EMC10: variants seen among roughly 807,000 people sequenced by gnomAD.
EMC10 encodes the protein ER membrane protein complex subunit 10.
A neutral mutation model predicts 32.2 loss-of-function variants in EMC10; 40 were observed. The ratio of observed to expected loss-of-function variants is 1.24; its 90% CI spans 0.96 to 1.61. The LOEUF is 1.61. EMC10 is among the 40% of genes most tolerant of loss of function. The probability of loss-of-function intolerance (pLI) is 0.00; values close to 1 mark genes in which losing one functional copy is unlikely to be tolerated. For missense variants in EMC10, 402 were observed against 357.7 expected (o/e 1.12, Z -1.00); for synonymous variants, 178 against 158.4 (o/e 1.12, Z -0.93).
At position 50,476,553 on chromosome 19, in the gene EMC10, A is replaced by T; in HGVS notation, c.9A>T (p.Ala3=). The change falls in exon 1 of 7, where the codon GCA becomes GCT. Residue 3 remains alanine, a synonymous_variant. Coordinates refer to ENST00000334976, the MANE Select transcript of EMC10 (RefSeq NM_206538.4). ...GGTGGGAAGAAGCCGAGATGGCGGCAGCCAGCGCTGGGGCAACCCGGCTGC... is the reference window on the plus strand; with the variant it reads ...GGTGGGAAGAAGCCGAGATGGCGGCTGCCAGCGCTGGGGCAACCCGGCTGC... MA[A]ASAGATRLLL... The T allele has an allele frequency of 6.4e-7, 1 of 1,573,904 alleles. No individual in the cohort carries two copies. The highest frequency in any genetic ancestry group is 8.6e-7 in the Non-Finnish European group (1 of 1,165,426).
intron 2 of EMC10, 60 bp from the exon 3 acceptor site, chr19:50,478,897 C>T: frequency 1.4e-6 from 2 of 1,383,152 alleles, no homozygotes; most frequent in Non-Finnish European, 2.0e-6. Context: ...CCTCCTGGCC[C>T]CTGCCTGGGT....
chr19:50,481,176 C>A (rs111505077), intron 6 of EMC10, 199 bp downstream of exon 6: 8,331 of 552,356 alleles, frequency 0.015, 297 homozygotes, highest in East Asian at 0.11. Context: ...GGAGGTCGGG[C>A]CAGCTCTAGG....
chr19:50,484,447 A>T lies in EMC10; in HGVS notation c.*2188A>T, dbSNP rs2040367662. On this transcript the variant is annotated 3_prime_UTR_variant, in exon 7 of 7. Transcript: ENST00000334976. ...TATTTTTCCTGGGTTAAACATTGGG[A>T]TCTTTATAAACCTGATTATGTCCTT... 6.6e-6 allele frequency: 1 copy of T among 151,834 alleles called. No homozygotes were observed. Among genetic ancestry groups the T allele is most frequent in the Non-Finnish European group, 1.5e-5 (1 of 67,982 alleles). 9.4% of individuals were successfully genotyped at this position (151,834 alleles called of 1,614,324 possible).
Position 50,477,835 on chromosome 19 carries a change from C to G in EMC10, c.115-94C>G, listed in dbSNP as rs2040252406. 4.3e-6 allele frequency: 4 copies of G among 927,092 alleles called. No individual in the cohort carries two copies. In the South Asian group the frequency reaches 6.7e-5, roughly 16 times the overall value. The allele number at this position is 927,092 out of a possible 1,614,324, so 57.4% of individuals were successfully genotyped here. ...TAACTTGAAGATAAGGCTCCTCCCT[C>G]AGCCCACCAGTCTGTCTGTCCTGGG... On this transcript the variant is annotated intron_variant, in intron 1 of 6. Transcript: ENST00000334976.
chr19:50,481,598 A>G, intron 6 of EMC10: 1 of 501,424 alleles, frequency 2.0e-6, no homozygotes, highest in South Asian at 2.9e-5. Flanking sequence ...GCCAGCGAAG[A>G]GGTCTGTGTG....
rs575556928 is a variant in EMC10, at chr19:50,486,930, C to G, written c.*4671C>G. ...ATCCCCTGTTCCTCCCCCAGGCATT[C>G]TGGTCACTGTTCCTTTTTGTTGAGA... On this transcript the variant is annotated 3_prime_UTR_variant, in exon 7 of 7. Transcript: ENST00000334976. 6.6e-6 allele frequency: 1 copy of G among 150,664 alleles called. No homozygotes were observed. The highest frequency in any genetic ancestry group is 2.1e-4 in the South Asian group (1 of 4,818). The allele number at this position is 150,664 out of a possible 1,614,324, so 9.3% of individuals were successfully genotyped here.
At position 50,480,158 on chromosome 19, in the gene EMC10, A is replaced by T; in HGVS notation, c.345A>T (p.Arg115=). The change falls in exon 4 of 7, where the codon CGA becomes CGT. Residue 115 remains arginine (R), a synonymous_variant. Transcript: ENST00000334976. The surrounding 1 kb of genome is among the most constrained non-coding windows in gnomAD (Gnocchi z 4.4). The part of the protein sequence containing the change: ...NGLYRVRIPR[R]PGALDGLEAG... ...TGTACCGGGTCCGGATCCCAAGGCG[A>T]CCCGGGGCCCTGGATGGCCTGGAAG... is the stretch of plus-strand genomic sequence containing the variant. 6.2e-7 allele frequency: 1 copy of T among 1,613,594 alleles called. No homozygotes were observed. Among genetic ancestry groups the T allele is most frequent in the Non-Finnish European group, 8.5e-7 (1 of 1,179,866 alleles).
chr19:50,483,123 C>T lies in EMC10; in HGVS notation c.*864C>T, dbSNP rs555433161. ...CTGTAAGTCTATTTAAAAACATCGACGATACATTGAAATGTGTGAACGTTT... is the reference window on the plus strand; with the variant it reads ...CTGTAAGTCTATTTAAAAACATCGATGATACATTGAAATGTGTGAACGTTT... On this transcript the variant is annotated 3_prime_UTR_variant, in exon 7 of 7. Transcript: ENST00000334976. The T allele has an allele frequency of 1.7e-5, 8 of 471,594 alleles. No individual in the cohort carries two copies. The highest frequency in any genetic ancestry group is 3.1e-5 in the South Asian group (2 of 64,694). 29.2% of individuals were successfully genotyped at this position (471,594 alleles called of 1,614,324 possible). A position where few individuals can be genotyped will look rare whatever the true frequency, so the allele number is the denominator to read the frequency against.
Position 50,490,178 on chromosome 19 carries a change from G to C in EMC10, c.*7919G>C, listed in dbSNP as rs1978563540. On this transcript the variant is annotated 3_prime_UTR_variant, in exon 7 of 7. Transcript: ENST00000334976. ...TGCCCAAGCTAGAGTGCAGTGGCGC[G>C]ATCTCGGCTCACTGCAAACTCCGCC... The C allele has an allele frequency of 6.6e-6, 1 of 151,620 alleles. No homozygotes were observed. The highest frequency in any genetic ancestry group is 2.4e-5 in the African/African-American group (1 of 41,182). The allele number at this position is 151,620 out of a possible 1,614,324, so 9.4% of individuals were successfully genotyped here.
In EMC10 at chr19:50,483,842, G is replaced by GTGA. The variant is rs2040359830; in HGVS notation, c.*1584_*1586dup. On this transcript the variant is annotated 3_prime_UTR_variant, in exon 7 of 7. Coordinates refer to ENST00000334976, the MANE Select transcript of EMC10 (RefSeq NM_206538.4). ...TTCCCAAAGTGCTGGGATTACAGGCGTGAGCCACCGCGCCTGGCCTATTTT... is the reference window on the plus strand; with the variant it reads ...TTCCCAAAGTGCTGGGATTACAGGCGTGATGAGCCACCGCGCCTGGCCTATTTT... 2.0e-5 allele frequency: 3 copies of GTGA among 150,580 alleles called. No homozygotes were observed. In the East Asian group the frequency reaches 6.0e-4, roughly 30 times the overall value. The allele number at this position is 150,580 out of a possible 1,614,324, so 9.3% of individuals were successfully genotyped here.
chr19:50,476,684 C>A, intron 1 of EMC10, 26 bp downstream of exon 1: 1 of 1,402,552 alleles, frequency 7.1e-7, no homozygotes, highest in Non-Finnish European at 9.5e-7. Context: ...CTGTGCATAG[C>A]GGGCGCGGTC....
At position 50,480,988 on chromosome 19, in the gene EMC10, C is replaced by T. The variant is rs754055376; in HGVS notation, c.678+11C>T. The T allele has an allele frequency of 3.2e-6, 5 of 1,583,494 alleles. No individual in the cohort carries two copies. The South Asian group carries it at 3.4e-5, about 11-fold the overall frequency. ...TTCTTCGCCAAATACGTGAGTGGGG[C>T]TCCCCCGCCTCCCCTATTCCCTTCC... On this transcript the variant is annotated intron_variant, in intron 6 of 6. Transcript: ENST00000334976. This position sits in a 1 kb window ranked among gnomAD's most constrained non-coding sequence, Gnocchi z 4.4.
At chr19:50,476,847 C>T (rs2040232518) in intron 1 of EMC10, 189 bp downstream of exon 1, 2 of 492,732 alleles carry the variant, frequency 4.1e-6, no homozygotes, top group South Asian at 6.3e-5. Context: ...GTTGCAAGGA[C>T]TGGGTGGGAG....
At position 50,477,950 on chromosome 19, in the gene EMC10, G is replaced by C. The variant is rs142884185; in HGVS notation, c.136G>C (p.Gly46Arg). Residue 46 changes from glycine to arginine, a missense_variant, in exon 2 of 7, where the codon GGC (glycine) becomes CGC (arginine). Gly to Arg is a moderately radical substitution (Grantham distance 125, BLOSUM62 -2). Transcript: ENST00000334976. ...GCAGGCTGGGGCGGAAGGTCGAGAGGGCGAGGCCTGTGGCACGGTGGGGCT... is the reference window on the plus strand; with the variant it reads ...GCAGGCTGGGGCGGAAGGTCGAGAGCGCGAGGCCTGTGGCACGGTGGGGCT... ...ARGAGAEGRE[G>R]EACGTVGLLL... The C allele has an allele frequency of 6.3e-7, 1 of 1,599,432 alleles. No homozygotes were observed. Among genetic ancestry groups the C allele is most frequent in the African/African-American group, 1.4e-5 (1 of 73,822 alleles).
At position 50,482,367 on chromosome 19, in the gene EMC10, T is replaced by C; in HGVS notation, c.*108T>C. 1.6e-6 allele frequency: 1 copy of C among 619,136 alleles called. No homozygotes were observed. Among genetic ancestry groups the C allele is most frequent in the Non-Finnish European group, 2.9e-6 (1 of 348,384 alleles). The allele number at this position is 619,136 out of a possible 1,614,324, so 38.4% of individuals were successfully genotyped here. ...AAGAAGGGTTTGCTGGTCCCTCCTTTCCCCCCGTCCCACGAGGCCACCTGG... is the reference window on the plus strand; with the variant it reads ...AAGAAGGGTTTGCTGGTCCCTCCTTCCCCCCCGTCCCACGAGGCCACCTGG... On this transcript the variant is annotated 3_prime_UTR_variant, in exon 7 of 7. Coordinates refer to ENST00000334976, the MANE Select transcript of EMC10 (RefSeq NM_206538.4).
chr19:50,484,693 A>G lies in EMC10; in HGVS notation c.*2434A>G, dbSNP rs2040370560. On this transcript the variant is annotated 3_prime_UTR_variant, in exon 7 of 7. Transcript: ENST00000334976. ...AAAAGATAGAGTAGGTTGGCCAGGC[A>G]TAGTGATTCATGCTTGTAGTCCCAG... The G allele has an allele frequency of 6.6e-6, 1 of 152,328 alleles. No individual in the cohort carries two copies. Among genetic ancestry groups the G allele is most frequent in the African/African-American group, 2.4e-5 (1 of 41,580 alleles). The allele number at this position is 152,328 out of a possible 1,614,324, so 9.4% of individuals were successfully genotyped here. A position where few individuals can be genotyped will look rare whatever the true frequency, so the allele number is the denominator to read the frequency against.
chr19:50,480,038 G>A lies in EMC10; in HGVS notation c.298-73G>A. 7.9e-7 allele frequency: 1 copy of A among 1,259,420 alleles called. No homozygotes were observed. The highest frequency in any genetic ancestry group is 1.1e-6 in the Non-Finnish European group (1 of 899,828). The allele number at this position is 1,259,420 out of a possible 1,614,324, so 78.0% of individuals were successfully genotyped here. A position where few individuals can be genotyped will look rare whatever the true frequency, so the allele number is the denominator to read the frequency against. On this transcript the variant is annotated intron_variant, in intron 3 of 6. Coordinates refer to ENST00000334976, the MANE Select transcript of EMC10 (RefSeq NM_206538.4). The surrounding 1 kb of genome is among the most constrained non-coding windows in gnomAD (Gnocchi z 4.4). Reference sequence around the variant, plus strand: ...GGGCTGGAGAGGGGCCTTCGCGGAGGCCTGGTGGGCATCACAGCCTGTCCA... The same window carrying A: ...GGGCTGGAGAGGGGCCTTCGCGGAGACCTGGTGGGCATCACAGCCTGTCCA...
intron 2 of EMC10, among the ~76,000 whole-genome samples, chr19:50,478,390 A>G (rs954238552): frequency 6.6e-6 from 1 of 152,186 alleles, no homozygotes; most frequent in African/African-American, 2.4e-5. Context: ...AGTAGGCACC[A>G]CACAAGGTCT....
rs1168909023 is a variant in EMC10, at chr19:50,483,922, C to A, written c.*1663C>A. The A allele has an allele frequency of 6.6e-6, 1 of 151,642 alleles. No homozygotes were observed. Among genetic ancestry groups the A allele is most frequent in the Non-Finnish European group, 1.5e-5 (1 of 67,970 alleles). The allele number at this position is 151,642 out of a possible 1,614,324, so 9.4% of individuals were successfully genotyped here. A position where few individuals can be genotyped will look rare whatever the true frequency, so the allele number is the denominator to read the frequency against. On this transcript the variant is annotated 3_prime_UTR_variant, in exon 7 of 7. Coordinates refer to ENST00000334976, the MANE Select transcript of EMC10 (RefSeq NM_206538.4). ...GCATTGCTAACTTCTGTTTCTTTCT[C>A]CACCTGCAGGAGATAGCTTATGCTT...
Sources: gnomAD v4.1 joint callset for allele counts (sites outside exome capture counted in the v4.1 genomes callset) on GRCh38, gnomAD v4.1.1 for gene constraint, Gnocchi (gnomAD v3.1) non-coding constraint, MANE v1.5 for transcripts, NCBI Gene and HGNC (gene_info 2026-07-23, HGNC 2026-07-21) for gene names.